The following RABGAP1L variants were observed in gnomAD, a reference collection of about 807,000 sequenced individuals.
RABGAP1L encodes RAB GTPase activating protein 1 like, also known as rab GTPase-activating protein 1-like.
In RABGAP1L, 63 loss-of-function variants were observed where a neutral mutation model predicts 137.7. The ratio of observed to expected loss-of-function variants is 0.46; its 90% CI spans 0.37 to 0.56. The LOEUF is 0.56. Ranked by LOEUF, RABGAP1L falls within the 20% of genes least tolerant of loss-of-function variation. RABGAP1L has a pLI of 0.00. For missense variants in RABGAP1L, 1,095 were observed against 1,244.0 expected, an observed-to-expected ratio of 0.88 and a Z score of 1.80; for synonymous variants, 431 against 433.7, an observed-to-expected ratio of 0.99 and a Z score of 0.08.
chr1:174,907,087 A>AT (rs1659219031), intron 19 of RABGAP1L, among the ~76,000 whole-genome samples: 1 of 151,550 alleles, frequency 6.6e-6, no homozygotes, highest in African/African-American at 2.4e-5. Context: ...AAAAAAAAAA[A>AT]GTTTTCAAGA....
At chr1:174,710,398 A>T (rs1680387289) in intron 17 of RABGAP1L, among the ~76,000 whole-genome samples, 1 of 152,206 alleles carries the variant, frequency 6.6e-6, no homozygotes, top group South Asian at 2.1e-4. Flanking sequence ...TGTTGAAATG[A>T]AGGAAAAAAT....
intron 13 of RABGAP1L, among the ~76,000 whole-genome samples, chr1:174,413,383 A>G (rs369599670): frequency 5.3e-5 from 8 of 152,034 alleles, no homozygotes; most frequent in African/African-American, 1.7e-4. Context: ...TCGATTTTCA[A>G]CCTTGTCTTG....
chr1:174,180,493 C>G (rs1666261961), intron 1 of RABGAP1L, among the ~76,000 whole-genome samples: 1 of 152,150 alleles, frequency 6.6e-6, no homozygotes, highest in Admixed American at 6.5e-5. Flanking sequence ...GAGATAAGGT[C>G]TCACTCTGTC....
At chr1:174,958,483 T>C (rs1372521208) in intron 20 of RABGAP1L, among the ~76,000 whole-genome samples, 2 of 152,186 alleles carry the variant, frequency 1.3e-5, no homozygotes, top group Admixed American at 1.3e-4. Context: ...TACACTAAGA[T>C]AAAAGAATAC....
At chr1:174,765,573 T>C (rs1052396589) in intron 18 of RABGAP1L, among the ~76,000 whole-genome samples, 1 of 152,044 alleles carries the variant, frequency 6.6e-6, no homozygotes, top group Non-Finnish European at 1.5e-5. Context: ...TAGCTGTGAC[T>C]ACGTGTGTGC....
chr1:174,464,468 T>C (rs1326497298), intron 13 of RABGAP1L, among the ~76,000 whole-genome samples: 2 of 152,194 alleles, frequency 1.3e-5, no homozygotes, highest in Non-Finnish European at 2.9e-5. Flanking sequence ...GCCTTCTTAT[T>C]CTGGGGTTTT....
chr1:174,769,657 T>C (rs1350770079), intron 18 of RABGAP1L, among the ~76,000 whole-genome samples: 1 of 152,112 alleles, frequency 6.6e-6, no homozygotes, highest in African/African-American at 2.4e-5. Context: ...GAATGGCAGC[T>C]TGAAGGCTAA....
chr1:174,183,306 C>T (rs1031608313), intron 1 of RABGAP1L, among the ~76,000 whole-genome samples: 7 of 152,188 alleles, frequency 4.6e-5, no homozygotes, highest in African/African-American at 7.2e-5. Flanking sequence ...GTGAAGATCA[C>T]GGCTCACTGG....
At chr1:174,587,711 A>C (rs1376349656) in intron 13 of RABGAP1L, among the ~76,000 whole-genome samples, 1 of 152,196 alleles carries the variant, frequency 6.6e-6, no homozygotes, top group East Asian at 1.9e-4. Context: ...TAATGAGTAC[A>C]TAGTAGGTAT....
At chr1:174,223,758 A>G (rs1276982860) in intron 3 of RABGAP1L, among the ~76,000 whole-genome samples, 1 of 152,160 alleles carries the variant, frequency 6.6e-6, no homozygotes, top group African/African-American at 2.4e-5. Context: ...TATCTGGACA[A>G]GTAGAGGTAC....
chr1:174,731,987 G>C (rs903624170), intron 17 of RABGAP1L, among the ~76,000 whole-genome samples: 2 of 152,212 alleles, frequency 1.3e-5, no homozygotes, highest in Non-Finnish European at 2.9e-5. Flanking sequence ...TGGATCACAA[G>C]GTCAAGAGAT....
chr1:174,879,914 A>T (rs1261172713), intron 19 of RABGAP1L, among the ~76,000 whole-genome samples: 2 of 152,276 alleles, frequency 1.3e-5, no homozygotes, highest in African/African-American at 4.8e-5. Flanking sequence ...CAACATGGTG[A>T]AACCTTGTCT....
At chr1:174,925,370 A>C (rs558638876) in intron 19 of RABGAP1L, among the ~76,000 whole-genome samples, 20 of 151,360 alleles carry the variant, frequency 1.3e-4, no homozygotes, top group African/African-American at 4.6e-4. Flanking sequence ...AAAAAAAAAA[A>C]AAAAAAAAAC....
At position 174,872,146 on chromosome 1, in the gene RABGAP1L, G is replaced by GT. The variant is rs1027311505; in HGVS notation, c.2340+60196dup. Among the ~76,000 whole-genome samples, 112 of 148,774 alleles carry GT rather than the reference G, an allele frequency of 7.5e-4. 2 individuals carry two copies. Among genetic ancestry groups the GT allele is most frequent in the Middle Eastern group, 3.4e-3 (1 of 290 alleles). On this transcript the variant is annotated intron_variant, in intron 19 of 25. Transcript: ENST00000681986. Reference sequence around the variant, plus strand: ...TTTTCTTTTTTTAGTTTAATGCTAGGTTTTTTTTTTCTTTTTTTGAACAAT... The same window carrying GT: ...TTTTCTTTTTTTAGTTTAATGCTAGGTTTTTTTTTTTCTTTTTTTGAACAAT...
At chr1:174,407,662 C>T (rs1649431876) in intron 13 of RABGAP1L, among the ~76,000 whole-genome samples, 1 of 152,030 alleles carries the variant, frequency 6.6e-6, no homozygotes, top group South Asian at 2.1e-4. Flanking sequence ...TTGCTGGATT[C>T]ATTTATCTCA....
intron 12 of RABGAP1L, among the ~76,000 whole-genome samples, chr1:174,379,004 T>C (rs1211964641): frequency 1.1e-4 from 15 of 132,050 alleles, no homozygotes; most frequent in Non-Finnish European, 4.7e-5. Context: ...TTTCTACATA[T>C]GGCTAGCGAG....
chr1:174,327,049 C>A (rs1680494221), intron 11 of RABGAP1L, among the ~76,000 whole-genome samples: 1 of 150,964 alleles, frequency 6.6e-6, no homozygotes. Context: ...ATCTGCCTTG[C>A]AAAAAAAGGT....
chr1:174,239,652 A>G (rs936585615), intron 4 of RABGAP1L, among the ~76,000 whole-genome samples: 1 of 152,026 alleles, frequency 6.6e-6, no homozygotes, highest in Non-Finnish European at 1.5e-5. Context: ...TCACTAGATT[A>G]TAAGCTTGTG....
chr1:174,758,960 G>C (rs1215117780), intron 18 of RABGAP1L, among the ~76,000 whole-genome samples: 1 of 152,074 alleles, frequency 6.6e-6, no homozygotes, highest in Non-Finnish European at 1.5e-5. Flanking sequence ...AAGTCCTGTG[G>C]ATTCTACTTC....
Sources: gnomAD v4.1 joint callset for allele counts (sites outside exome capture counted in the v4.1 genomes callset) on GRCh38, gnomAD v4.1.1 for gene constraint, MANE v1.5 for transcripts, NCBI Gene and HGNC (gene_info 2026-07-23, HGNC 2026-07-21) for gene names.